The following COL20A1 variants were observed in gnomAD, a reference collection of about 807,000 sequenced individuals.
COL20A1 encodes collagen type XX alpha 1 chain, also known as collagen alpha-1(XX) chain.
Under a neutral mutation model 152.9 loss-of-function variants are expected in COL20A1, and 164 were observed. That is an observed-to-expected ratio of 1.07 (90% CI 0.94 to 1.22). COL20A1 has a LOEUF of 1.22. Ranked by LOEUF, COL20A1 falls within the 50% of genes most tolerant of loss-of-function variation. The pLI, the probability that COL20A1 is intolerant of heterozygous loss-of-function variation, is 0.00. For missense variants in COL20A1, 1,873 were observed against 1,744.8 expected (o/e 1.07, Z -1.31); for synonymous variants, 864 against 756.0 (o/e 1.14, Z -2.34).
At chr20:63,301,309 C>G (rs1282830505) in intron 3 of COL20A1, among the ~76,000 whole-genome samples, 1 of 151,832 alleles carries the variant, frequency 6.6e-6, no homozygotes, top group East Asian at 1.9e-4. Context: ...AGCAAGACTC[C>G]GTCTCAAAAA....
chr20:63,307,415 C>G, intron 5 of COL20A1, 75 bp from the exon 6 acceptor site: 1 of 1,421,888 alleles, frequency 7.0e-7, no homozygotes, highest in South Asian at 1.3e-5. Context: ...GGCTGGAGCC[C>G]CGGGGTAGGT....
At chr20:63,308,195 G>A (rs1165919076) in intron 7 of COL20A1, 105 bp downstream of exon 7, 2 of 1,387,532 alleles carry the variant, frequency 1.4e-6, no homozygotes, top group East Asian at 2.4e-5. Flanking sequence ...AAGTGGTGTG[G>A]ACCTGAGCCC....
At chr20:63,312,644 C>A in intron 15 of COL20A1, 95 bp downstream of exon 15, 1 of 1,480,706 alleles carries the variant, frequency 6.8e-7, no homozygotes, top group Non-Finnish European at 9.1e-7. Flanking sequence ...GGGAGCCTGC[C>A]CTGGGTCAGT....
intron 7 of COL20A1, 57 bp from the exon 8 acceptor site, chr20:63,308,485 G>T (rs963620379): frequency 1.4e-6 from 2 of 1,454,940 alleles, no homozygotes; most frequent in African/African-American, 1.4e-5. Context: ...GCTGCCAGCC[G>T]AGCACCAGGA....
Position 63,305,945 on chromosome 20 carries a change from G to A in COL20A1, c.402G>A (p.Pro134=), listed in dbSNP as rs775711392. The A allele has an allele frequency of 1.2e-5, 19 of 1,612,058 alleles. No individual in the cohort carries two copies. Among genetic ancestry groups the A allele is most frequent in the Middle Eastern group, 1.6e-4 (1 of 6,084 alleles). The change falls in exon 5 of 36, where the codon CCG becomes CCA. Residue 134 remains proline, a synonymous_variant. Coordinates refer to ENST00000358894, the MANE Select transcript of COL20A1 (RefSeq NM_020882.4). This position sits in a 1 kb window ranked among gnomAD's most constrained non-coding sequence, Gnocchi z 4.9. The stretch of plus-strand genomic sequence containing the variant: ...AGAGGCCCCTCGGCTCTGGAGCCCC[G>A]GAGCCCACCCCCTCCCACACGGGGA... The part of the protein sequence containing the change: ...SSQRPLGSGA[P]EPTPSHTGSP...
chr20:63,298,225 C>T (rs1257893712), intron 3 of COL20A1, among the ~76,000 whole-genome samples: 1 of 152,232 alleles, frequency 6.6e-6, no homozygotes, highest in Non-Finnish European at 1.5e-5. Context: ...GCTCCTCTGT[C>T]CCTGGCACGC....
chr20:63,326,515 C>G (rs995988525), intron 30 of COL20A1, among the ~76,000 whole-genome samples: 14 of 151,452 alleles, frequency 9.2e-5, no homozygotes, highest in African/African-American at 3.4e-4. Context: ...CAGCTGGGGA[C>G]GTTTAGAGCA....
chr20:63,307,484 C>T lies in COL20A1; in HGVS notation c.497-6C>T, dbSNP rs765027858. ...CCTAGCACCTGACCCGCTCCCACCGCCCCAGCCGGCCCCCAGTTCCGCTGC... is the reference window on the plus strand; with the variant it reads ...CCTAGCACCTGACCCGCTCCCACCGTCCCAGCCGGCCCCCAGTTCCGCTGC... On this transcript the variant is annotated splice_region_variant and splice_polypyrimidine_tract_variant and intron_variant, in intron 5 of 35. Coordinates refer to ENST00000358894, the MANE Select transcript of COL20A1 (RefSeq NM_020882.4). The T allele has an allele frequency of 5.6e-6, 9 of 1,609,768 alleles. No individual in the cohort carries two copies. Among genetic ancestry groups the T allele is most frequent in the Non-Finnish European group, 7.6e-6 (9 of 1,178,686 alleles).
chr20:63,309,156 T>C (rs983414350), intron 8 of COL20A1, among the ~76,000 whole-genome samples, 177 bp from the exon 9 acceptor site: 46 of 152,180 alleles, frequency 3.0e-4, no homozygotes, highest in Admixed American at 3.0e-3. Flanking sequence ...CACAGACCCT[T>C]CCTTGATGCC....
intron 19 of COL20A1, among the ~76,000 whole-genome samples, chr20:63,314,684 C>T (rs1271285227): frequency 5.3e-5 from 8 of 152,122 alleles, no homozygotes; most frequent in Non-Finnish European, 1.0e-4. Flanking sequence ...ATCAGGAGTG[C>T]TCCTTCCTGC....
chr20:63,306,350 C>T lies in COL20A1; in HGVS notation c.496+311C>T, dbSNP rs972378031. Reference sequence around the variant, plus strand: ...TGTCTGACCACACGGTCTCTGACCACGAGGCCGGGAAGTTCTTCCTCGTGT... The same window carrying T: ...TGTCTGACCACACGGTCTCTGACCATGAGGCCGGGAAGTTCTTCCTCGTGT... On this transcript the variant is annotated intron_variant, in intron 5 of 35. Coordinates refer to ENST00000358894, the MANE Select transcript of COL20A1 (RefSeq NM_020882.4). This position sits in a 1 kb window ranked among gnomAD's most constrained non-coding sequence, Gnocchi z 6.9. Among the ~76,000 whole-genome samples, 6 of 149,066 alleles carry T rather than the reference C, an allele frequency of 4.0e-5. No homozygotes were observed. The highest frequency in any genetic ancestry group is 7.4e-5 in the Non-Finnish European group (5 of 67,132).
At chr20:63,304,169 C>T (rs1734989639) in intron 3 of COL20A1, among the ~76,000 whole-genome samples, 1 of 114,814 alleles carries the variant, frequency 8.7e-6, no homozygotes. Flanking sequence ...TCCTCCCTCC[C>T]TTCCTCCCTC....
Position 63,313,684 on chromosome 20 carries a change from C to T in COL20A1, c.2210-59C>T, listed in dbSNP as rs1431483579. On this transcript the variant is annotated intron_variant, in intron 17 of 35. Transcript: ENST00000358894. The surrounding 1 kb of genome is among the most constrained non-coding windows in gnomAD (Gnocchi z 5.9). ...GGGGCTGGGCAGCTGGTCCTCTGGC[C>T]ACCGGGTGCCTCCTTTCTGGAGGGG... 3.4e-6 allele frequency: 5 copies of T among 1,478,068 alleles called. No individual in the cohort carries two copies. 91.6% of individuals were successfully genotyped at this position (1,478,068 alleles called of 1,614,324 possible).
intron 34 of COL20A1, 21 bp downstream of exon 34, chr20:63,328,519 G>T (rs756856232): frequency 6.3e-7 from 1 of 1,595,166 alleles, no homozygotes; most frequent in South Asian, 1.1e-5. Flanking sequence ...CCTGGCTCTT[G>T]GGGAGGGAGT....
At chr20:63,317,587 C>T (rs1350833139) in intron 21 of COL20A1, among the ~76,000 whole-genome samples, 31 of 151,768 alleles carry the variant, frequency 2.0e-4, no homozygotes. Context: ...TTAGGAATGT[C>T]TCTCCCAGCC....
In COL20A1 at chr20:63,312,073, C is replaced by CG; in HGVS notation, c.1803+23dup. On this transcript the variant is annotated intron_variant, in intron 14 of 35. Coordinates refer to ENST00000358894, the MANE Select transcript of COL20A1 (RefSeq NM_020882.4). ...CGGGGCAGGTGAGAGCAGAGCCCTC[C>CG]GGGGGCCCGAGTGTCTTGAGGGACC... 1 of 1,537,024 alleles carries CG rather than the reference C, an allele frequency of 6.5e-7. No homozygotes were observed. The highest frequency in any genetic ancestry group is 8.8e-7 in the Non-Finnish European group (1 of 1,141,486).
At chr20:63,293,502 G>A (rs1358642604) in intron 1 of COL20A1, among the ~76,000 whole-genome samples, 1 of 152,188 alleles carries the variant, frequency 6.6e-6, no homozygotes, top group East Asian at 1.9e-4. Flanking sequence ...GCTCCCTTCT[G>A]GGGGTCTCAG....
chr20:63,312,017 G>T lies in COL20A1; in HGVS notation c.1765G>T (p.Val589Phe), dbSNP rs371594397. 1.9e-6 allele frequency: 3 copies of T among 1,605,024 alleles called. No individual in the cohort carries two copies. The highest frequency in any genetic ancestry group is 1.3e-5 in the African/African-American group (1 of 74,566). ...GAPRPVRLVR[V>F]TYVSSEGGHS... The stretch of plus-strand genomic sequence containing the variant: ...CCCGAGGCCTGTGCGCCTGGTCAGG[G>T]TCACCTATGTGTCCAGCGAGGGTGG... The change falls in exon 14 of 36, where the codon GTC (valine) becomes TTC (phenylalanine). Residue 589 changes from valine to phenylalanine, a missense_variant. By Grantham distance (50) the Val-to-Phe change is conservative (BLOSUM62 -1). Transcript: ENST00000358894.
At chr20:63,325,528 TGGTGGG>T in intron 28 of COL20A1, 34 bp downstream of exon 28, 1 of 1,561,608 alleles carries the variant, frequency 6.4e-7, no homozygotes. Context: ...CCACAGGGGT[TGGTGGG>T]GGTGGGGGAA....
Sources: allele counts gnomAD v4.1 joint callset (sites outside exome capture counted in the v4.1 genomes callset), GRCh38; gene constraint gnomAD v4.1.1; non-coding constraint Gnocchi (gnomAD v3.1); transcripts MANE v1.5; gene names NCBI Gene and HGNC (gene_info 2026-07-23, HGNC 2026-07-21).